The following AFF2 variants were observed in gnomAD, a reference collection of about 807,000 sequenced individuals.
AFF2 encodes AF4/FMR2 family member 2.
Under a neutral mutation model 76.9 loss-of-function variants are expected in AFF2, and 14 were observed. The ratio of observed to expected loss-of-function variants is 0.18; its 90% confidence interval spans 0.12 to 0.28. The LOEUF is 0.28. Among genes scored for constraint, AFF2 ranks in the 10% least tolerant of loss-of-function variants. The pLI is 1.00. For synonymous variants in AFF2, 398 were observed against 366.7 expected (o/e 1.09, Z -0.98); for missense variants, 868 against 1,001.1 (o/e 0.87, Z 1.79).
chrX:148,732,380 T>A (rs1557264737), intron 3 of AFF2, among the ~76,000 whole-genome samples: 1 of 81,684 alleles, frequency 1.2e-5, no homozygotes, highest in African/African-American at 4.7e-5. Context: ...AACAATGAGA[T>A]CACATGGTCA....
intron 1 of AFF2, among the ~76,000 whole-genome samples, chrX:148,590,671 A>G (rs915520369): frequency 8.9e-6 from 1 of 111,859 alleles, no homozygotes; most frequent in East Asian, 2.8e-4. Flanking sequence ...TTCTAGAAGA[A>G]CCCAAGAATC....
At chrX:148,795,747 G>C (rs1246726665) in intron 3 of AFF2, among the ~76,000 whole-genome samples, 2 of 81,891 alleles carry the variant, frequency 2.4e-5, no homozygotes, top group Admixed American at 3.1e-4. Flanking sequence ...AGGTTGCAGT[G>C]AGCCGAGATC....
At chrX:148,804,950 C>T (rs2070108763) in intron 3 of AFF2, among the ~76,000 whole-genome samples, 1 of 111,826 alleles carries the variant, frequency 8.9e-6, no homozygotes, top group Non-Finnish European at 1.9e-5. Context: ...TAGGGGATTT[C>T]ATAATGCATG....
At chrX:148,990,336 C>A (rs1166159895) in intron 20 of AFF2, among the ~76,000 whole-genome samples, 2 of 112,116 alleles carry the variant, frequency 1.8e-5, no homozygotes, top group Non-Finnish European at 3.8e-5. Context: ...TCACCCCACC[C>A]CCTGACACGG....
rs2072605611 is a variant in AFF2 at position 148,996,748 on chromosome X, A to G, written c.*5416A>G. ...AAGAATGAAGCCCTCCTGAGCTGAA[A>G]GGAGAGATGGATCAATGGAGATGGT... On this transcript the variant is annotated 3_prime_UTR_variant, in exon 21 of 21. Transcript: ENST00000370460. The G allele has an allele frequency of 8.9e-6, 1 of 112,352 alleles. No homozygotes were observed. Among genetic ancestry groups the G allele is most frequent in the African/African-American group, 3.2e-5 (1 of 30,868 alleles). The allele number at this position is 112,352 out of a possible 1,213,427, so 9.3% of individuals were successfully genotyped here. A position where few individuals can be genotyped will look rare whatever the true frequency, so the allele number is the denominator to read the frequency against.
chrX:148,844,964 T>C (rs1413767418), intron 7 of AFF2, among the ~76,000 whole-genome samples: 1 of 111,751 alleles, frequency 8.9e-6, no homozygotes, highest in African/African-American at 3.3e-5. Context: ...ATCAAAATCA[T>C]CTTTGATGCT....
intron 3 of AFF2, among the ~76,000 whole-genome samples, chrX:148,734,835 C>T (rs782616649): frequency 1.2e-4 from 13 of 111,313 alleles, no homozygotes; most frequent in Admixed American, 6.7e-4. Flanking sequence ...TGAGTATGTA[C>T]GGAGACACAG....
intron 1 of AFF2, among the ~76,000 whole-genome samples, chrX:148,572,524 T>A (rs2053240540): frequency 8.9e-6 from 1 of 111,817 alleles, no homozygotes; most frequent in Admixed American, 9.5e-5. Flanking sequence ...CATCGACTGA[T>A]GAATGGACAA....
intron 3 of AFF2, among the ~76,000 whole-genome samples, chrX:148,676,447 G>A (rs1557259502): frequency 9.0e-6 from 1 of 111,388 alleles, no homozygotes; most frequent in Non-Finnish European, 1.9e-5. Flanking sequence ...TTCATTTACC[G>A]AATTTGCATT....
At chrX:148,744,736 G>A (rs1353336934) in intron 3 of AFF2, among the ~76,000 whole-genome samples, 1 of 111,832 alleles carries the variant, frequency 8.9e-6, no homozygotes. Context: ...TATTGTCATG[G>A]GGAGGTGTCA....
At chrX:148,651,910 T>G in intron 1 of AFF2, 89 bp from the exon 2 acceptor site, 2 of 923,506 alleles carry the variant, frequency 2.2e-6, no homozygotes, top group East Asian at 3.2e-5. Context: ...ACTTGAATTT[T>G]TTTCTTATTA....
rs782504526 is a variant in AFF2, at chrX:148,956,250, G to A, written c.2205G>A (p.Pro735=). Residue 735 remains proline, a synonymous_variant, in exon 11 of 21, where the codon CCG becomes CCA. Coordinates refer to ENST00000370460, the MANE Select transcript of AFF2 (RefSeq NM_002025.4). ...EETLQIKVLP[P]CIISGGNTAK... is the part of the protein sequence containing the mutation. Reference sequence around the variant, plus strand: ...CCCTGCAAATCAAAGTCCTGCCTCCGTGCATTATTTCTGGAGGTAATACTG... The same window carrying A: ...CCCTGCAAATCAAAGTCCTGCCTCCATGCATTATTTCTGGAGGTAATACTG... The A allele has an allele frequency of 1.5e-5, 18 of 1,209,796 alleles. No homozygotes were observed. The highest frequency in any genetic ancestry group is 1.4e-4 in the African/African-American group (8 of 57,128).
chrX:148,820,173 G>A (rs2070311422), intron 4 of AFF2, among the ~76,000 whole-genome samples: 1 of 111,215 alleles, frequency 9.0e-6, no homozygotes, highest in Admixed American at 9.6e-5. Flanking sequence ...CTTAAATGTT[G>A]GCTAGTATTG....
chrX:148,928,167 T>A (rs1557284012), intron 9 of AFF2, among the ~76,000 whole-genome samples: 1 of 111,924 alleles, frequency 8.9e-6, no homozygotes. Flanking sequence ...GAAGCTGCAA[T>A]GGAATATCTT....
Position 148,997,073 on chromosome X carries a change from C to G in AFF2, c.*5741C>G, listed in dbSNP as rs181428846. Reference sequence around the variant, plus strand: ...AATTTTACTTTAGTTATTAGGGAATCTAAGTTTTTTGTTAACATTTGTTTT... The same window carrying G: ...AATTTTACTTTAGTTATTAGGGAATGTAAGTTTTTTGTTAACATTTGTTTT... On this transcript the variant is annotated 3_prime_UTR_variant, in exon 21 of 21. Transcript: ENST00000370460. The G allele has an allele frequency of 8.9e-6, 1 of 112,121 alleles. No individual in the cohort carries two copies. Among genetic ancestry groups the G allele is most frequent in the East Asian group, 2.8e-4 (1 of 3,561 alleles). The allele number at this position is 112,121 out of a possible 1,213,427, so 9.2% of individuals were successfully genotyped here.
intron 1 of AFF2, among the ~76,000 whole-genome samples, chrX:148,645,781 G>T (rs1201103615): frequency 8.9e-6 from 1 of 111,943 alleles, no homozygotes; most frequent in Non-Finnish European, 1.9e-5. Context: ...TTTGTGTTCA[G>T]TTGGAGGATG....
intron 3 of AFF2, among the ~76,000 whole-genome samples, chrX:148,733,199 A>G (rs1297244317): frequency 2.7e-5 from 3 of 111,765 alleles, no homozygotes; most frequent in African/African-American, 9.7e-5. Context: ...CTCATGCAAC[A>G]TTGTCTGCCT....
At chrX:148,667,623 C>G (rs1188443279) in intron 3 of AFF2, among the ~76,000 whole-genome samples, 3 of 111,847 alleles carry the variant, frequency 2.7e-5, no homozygotes, top group Non-Finnish European at 5.6e-5. Context: ...TTATGGCAGA[C>G]AAGAGAGGAG....
intron 1 of AFF2, among the ~76,000 whole-genome samples, chrX:148,544,531 A>G (rs1156951973): frequency 8.9e-6 from 1 of 112,041 alleles, no homozygotes; most frequent in Non-Finnish European, 1.9e-5. Context: ...TGTCTTAGGG[A>G]TTGGGGCTGC....
Sources: gnomAD v4.1 joint callset for allele counts (sites outside exome capture counted in the v4.1 genomes callset) on GRCh38, gnomAD v4.1.1 for gene constraint, MANE v1.5 for transcripts, NCBI Gene and HGNC (gene_info 2026-07-23, HGNC 2026-07-21) for gene names.